The following PDE10A variants were observed in gnomAD, a reference collection of about 807,000 sequenced individuals.
PDE10A encodes cAMP and cAMP-inhibited cGMP 3',5'-cyclic phosphodiesterase 10A.
A neutral mutation model predicts 97.7 loss-of-function variants in PDE10A; 39 were observed. That is an observed-to-expected ratio of 0.40 (90% CI 0.31 to 0.52). PDE10A has a LOEUF of 0.52. Among genes scored for constraint, PDE10A ranks in the 20% least tolerant of loss-of-function variants. The pLI, the probability that PDE10A is intolerant of heterozygous loss-of-function variation, is 0.56. For missense variants in PDE10A, 731 were observed against 1,047.8 expected (o/e 0.70, Z 4.17); for synonymous variants, 371 against 376.8 (o/e 0.98, Z 0.18).
intron 1 of PDE10A, among the ~76,000 whole-genome samples, chr6:165,579,079 T>C (rs1319316009): frequency 6.6e-6 from 1 of 152,074 alleles, no homozygotes; most frequent in Non-Finnish European, 1.5e-5. Context: ...GGATCAACCT[T>C]TTAGGGAAGT....
Position 165,447,673 on chromosome 6 carries a change from G to A in PDE10A, c.1194+1255C>T, listed in dbSNP as rs548618546. ...GAAGTAATATCCATTTGTTATTTTC[G>A]TAGCTTAGCCATTTTAGAATACTAC... On this transcript the variant is annotated intron_variant, in intron 5 of 21. Coordinates refer to ENST00000539869, the MANE Select transcript of PDE10A (RefSeq NM_001385079.1). 7.2e-5 allele frequency among the ~76,000 whole-genome samples: 11 copies of A among 152,232 alleles called. No homozygotes were observed. The South Asian group carries it at 8.3e-4, about 11-fold the overall frequency.
intron 18 of PDE10A, among the ~76,000 whole-genome samples, chr6:165,375,731 G>T (rs572363900): frequency 2.0e-5 from 3 of 152,294 alleles, no homozygotes; most frequent in Non-Finnish European, 4.4e-5. Context: ...CCTGTCAGGG[G>T]CTAATGTAGC....
intron 19 of PDE10A, 110 bp from the exon 20 acceptor site, chr6:165,339,468 T>A (rs1212145016): frequency 1.3e-5 from 9 of 714,728 alleles, no homozygotes; most frequent in Non-Finnish European, 2.4e-6. Context: ...AAACAAATAA[T>A]GTTTGTGGTT....
chr6:165,438,210 C>T (rs1422136574), intron 5 of PDE10A, among the ~76,000 whole-genome samples: 1 of 151,562 alleles, frequency 6.6e-6, no homozygotes, highest in South Asian at 2.1e-4. Flanking sequence ...TTTTTTGAGA[C>T]GGAGTTTCAC....
chr6:165,666,930 C>T (rs1790512847), upstream of PDE10A, among the ~76,000 whole-genome samples: 1 of 152,204 alleles, frequency 6.6e-6, no homozygotes, highest in Non-Finnish European at 1.5e-5. Context: ...ACAATAGGCA[C>T]TCAATAATTG....
At chr6:165,578,990 T>A (rs988274169) in intron 1 of PDE10A, among the ~76,000 whole-genome samples, 2 of 152,186 alleles carry the variant, frequency 1.3e-5, no homozygotes, top group African/African-American at 4.8e-5. Context: ...ACATTGAGCC[T>A]TGTAATCCAC....
At position 165,544,788 on chromosome 6, in the gene PDE10A, T is replaced by C. The variant is rs1275390055; in HGVS notation, c.866-1220A>G. 3.9e-5 allele frequency among the ~76,000 whole-genome samples: 6 copies of C among 151,982 alleles called. No individual in the cohort carries two copies. The East Asian group carries it at 1.2e-3, about 29-fold the overall frequency. On this transcript the variant is annotated intron_variant, in intron 1 of 21. Coordinates refer to ENST00000539869, the MANE Select transcript of PDE10A (RefSeq NM_001385079.1). Reference sequence around the variant, plus strand: ...TAACTGAAAAGGAAAATGACTTCTTTCAATGAAATTGGTAGTTAAATAGTC... The same window carrying C: ...TAACTGAAAAGGAAAATGACTTCTTCCAATGAAATTGGTAGTTAAATAGTC...
At chr6:165,651,489 G>A (rs1190460951) in intron 1 of PDE10A, among the ~76,000 whole-genome samples, 1 of 152,204 alleles carries the variant, frequency 6.6e-6, no homozygotes, top group Non-Finnish European at 1.5e-5. Context: ...TGTTAACATG[G>A]TGTTGGAGCT....
intron 5 of PDE10A, among the ~76,000 whole-genome samples, chr6:165,446,013 C>A (rs971464878): frequency 2.6e-5 from 4 of 151,740 alleles, no homozygotes; most frequent in African/African-American, 4.8e-5. Flanking sequence ...ACTGTAAATT[C>A]AAAGGAACAT....
intron 13 of PDE10A, among the ~76,000 whole-genome samples, chr6:165,397,670 CTAGCCTGGGCGA>C: frequency 7.1e-6 from 1 of 141,564 alleles, no homozygotes; most frequent in African/African-American, 2.7e-5. Context: ...CCATTGCACT[CTAGCCTGGGCGA>C]CAACGGTGAA....
chr6:165,777,468 T>G (rs1207972600), intron 1 of PDE10A, among the ~76,000 whole-genome samples: 1 of 148,932 alleles, frequency 6.7e-6, no homozygotes, highest in Non-Finnish European at 1.5e-5. Flanking sequence ...TCCACACATG[T>G]GAAAACAGAG....
At chr6:165,722,494 A>T (rs1013147428) in intron 1 of PDE10A, among the ~76,000 whole-genome samples, 5 of 152,202 alleles carry the variant, frequency 3.3e-5, no homozygotes, top group Admixed American at 2.6e-4. Context: ...TCTGTCTATG[A>T]TCTAGTTTAA....
At chr6:165,862,838 C>T (rs190872203) in intron 1 of PDE10A, among the ~76,000 whole-genome samples, 16 of 152,234 alleles carry the variant, frequency 1.1e-4, no homozygotes, top group African/African-American at 3.1e-4. Context: ...AGCACCACAC[C>T]CAGCTAATTT....
At chr6:165,832,897 T>C (rs1259700129) in intron 1 of PDE10A, among the ~76,000 whole-genome samples, 1 of 152,146 alleles carries the variant, frequency 6.6e-6, no homozygotes, top group Non-Finnish European at 1.5e-5. Context: ...TTCACAATAC[T>C]GAGGTTGGCG....
intron 20 of PDE10A, among the ~76,000 whole-genome samples, chr6:165,336,832 A>ATCAG (rs1781685658): frequency 1.3e-5 from 2 of 151,946 alleles, no homozygotes; most frequent in South Asian, 4.2e-4. Flanking sequence ...TCGCTAATAG[A>ATCAG]TCAGTCAGTT....
chr6:165,830,617 T>A (rs1237229739), intron 1 of PDE10A, among the ~76,000 whole-genome samples: 1 of 152,120 alleles, frequency 6.6e-6, no homozygotes, highest in Non-Finnish European at 1.5e-5. Flanking sequence ...AAACGCTGCA[T>A]CTTAGGAAGT....
chr6:165,958,529 GA>G (rs1295704032), intron 1 of PDE10A, among the ~76,000 whole-genome samples: 2 of 19,196 alleles, frequency 1.0e-4, no homozygotes, highest in African/African-American at 4.1e-4. Flanking sequence ...AAGAAAGAAA[GA>G]AAGAAAGAAA....
At chr6:165,667,935 C>A (rs1306325161), upstream of PDE10A, among the ~76,000 whole-genome samples, 2 of 152,048 alleles carry the variant, frequency 1.3e-5, no homozygotes, top group Non-Finnish European at 2.9e-5. Context: ...TTAAAAAATA[C>A]CAAGTCACTG....
At chr6:165,760,682 A>G (rs73788787) in intron 1 of PDE10A, among the ~76,000 whole-genome samples, 11,660 of 152,254 alleles carry the variant, frequency 0.077, 508 homozygotes, top group African/African-American at 0.12. Flanking sequence ...CTGAACTCCT[A>G]CATTGTACCT....
Sources: allele counts gnomAD v4.1 joint callset (sites outside exome capture counted in the v4.1 genomes callset), GRCh38; gene constraint gnomAD v4.1.1; transcripts MANE v1.5; gene names NCBI Gene and HGNC (gene_info 2026-07-23, HGNC 2026-07-21).